The following PCDH15 variants were observed in gnomAD, a reference collection of about 807,000 sequenced individuals.
PCDH15 encodes the protein protocadherin-15.
In PCDH15, 129 loss-of-function variants were observed where a neutral mutation model predicts 178.5. The observed-to-expected ratio is 0.72, with a 90% CI of 0.63 to 0.84. PCDH15 has a LOEUF of 0.84. PCDH15 is among the 40% of genes least tolerant of loss of function. The probability of loss-of-function intolerance (pLI) is 0.00; values close to 1 mark genes in which losing one functional copy is unlikely to be tolerated. For missense variants in PCDH15, 2,230 were observed against 2,099.9 expected (o/e 1.06, Z -1.21); for synonymous variants, 800 against 732.0 (o/e 1.09, Z -1.50).
intron 1 of PCDH15, among the ~76,000 whole-genome samples, chr10:54,736,117 C>G (rs556206660): frequency 9.2e-5 from 14 of 152,108 alleles, no homozygotes; most frequent in Non-Finnish European, 1.8e-4. Flanking sequence ...CACTTAGAAG[C>G]TGCAATAATC....
At chr10:54,375,882 T>TATATATATAG (rs1182006251) in intron 4 of PCDH15, among the ~76,000 whole-genome samples, 1 of 72,782 alleles carries the variant, frequency 1.4e-5, no homozygotes, top group African/African-American at 3.4e-5. Context: ...TGAAACGGAA[T>TATATATATAG]ATATATATAT....
chr10:54,740,007 G>C (rs982722662), intron 1 of PCDH15, among the ~76,000 whole-genome samples: 1 of 151,898 alleles, frequency 6.6e-6, no homozygotes, highest in Non-Finnish European at 1.5e-5. Context: ...AAAAGCACAG[G>C]AAAGAAAAGC....
chr10:55,166,775 A>T (rs1260752985), intron 1 of PCDH15: 1 of 152,214 alleles, frequency 6.6e-6, no homozygotes, highest in Non-Finnish European at 1.5e-5. Context: ...TGCTTAAAAT[A>T]AATTCTTGCA....
At chr10:54,779,932 T>C (rs1950199389) in intron 1 of PCDH15, among the ~76,000 whole-genome samples, 1 of 152,082 alleles carries the variant, frequency 6.6e-6, no homozygotes, top group Non-Finnish European at 1.5e-5. Flanking sequence ...CACTATTGGT[T>C]TATGTTCATG....
intron 3 of PCDH15, among the ~76,000 whole-genome samples, chr10:54,849,039 TA>T (rs75232525): frequency 3.9e-5 from 6 of 152,126 alleles, no homozygotes; most frequent in South Asian, 4.2e-4. Context: ...CTATAAAATT[TA>T]AAAAAAATTA....
chr10:54,954,998 A>G (rs1838443410), intron 2 of PCDH15, among the ~76,000 whole-genome samples: 1 of 151,268 alleles, frequency 6.6e-6, no homozygotes, highest in Non-Finnish European at 1.5e-5. Context: ...GTTCATAAAA[A>G]CCATACAAAT....
chr10:54,152,195 C>T (rs149563640), intron 14 of PCDH15, among the ~76,000 whole-genome samples: 11 of 152,198 alleles, frequency 7.2e-5, no homozygotes, highest in African/African-American at 2.6e-4. Context: ...TATGAATCCA[C>T]ATAAACACTA....
At position 54,429,554 on chromosome 10, in the gene PCDH15, T is replaced by TA. The variant is rs1234183549; in HGVS notation, c.158-50613dup. On this transcript the variant is annotated intron_variant, in intron 3 of 37. Coordinates refer to ENST00000644397, the MANE Select transcript of PCDH15 (RefSeq NM_001384140.1). ...CAGAATGGCTATGGCTGAATGGATT[T>TA]AAAAAAAAAGACAAATTATCTGTTG... 3.2e-3 allele frequency among the ~76,000 whole-genome samples: 489 copies of TA among 151,098 alleles called. 5 individuals are homozygous for TA. The highest frequency in any genetic ancestry group is 0.011 in the African/African-American group (452 of 41,318).
intron 3 of PCDH15, among the ~76,000 whole-genome samples, chr10:54,450,158 T>TATATATATATATATATATATATA (rs1565308335): frequency 7.0e-6 from 1 of 142,040 alleles, no homozygotes; most frequent in African/African-American, 2.6e-5. Context: ...TATATATATA[T>TATATATATATATATATATATATA]TATACTTTAA....
At chr10:54,470,150 C>A (rs577884644) in intron 3 of PCDH15, among the ~76,000 whole-genome samples, 60 of 152,266 alleles carry the variant, frequency 3.9e-4, no homozygotes, top group African/African-American at 1.3e-3. Flanking sequence ...ATGAAGGTGG[C>A]AGAAGCTGCA....
intron 2 of PCDH15, among the ~76,000 whole-genome samples, chr10:54,940,162 A>G (rs1472727524): frequency 1.3e-5 from 2 of 152,124 alleles, no homozygotes; most frequent in Middle Eastern, 3.2e-3. Context: ...TTTTTAAAAT[A>G]TATATACTTA....
At chr10:55,435,361 C>G (rs1160499101) in intron 2 of PCDH15, among the ~76,000 whole-genome samples, 2 of 151,816 alleles carry the variant, frequency 1.3e-5, no homozygotes, top group Non-Finnish European at 1.5e-5. Flanking sequence ...GTATTTTTAC[C>G]TCGCATTTTT....
intron 3 of PCDH15, among the ~76,000 whole-genome samples, chr10:54,449,140 G>C (rs2076315966): frequency 6.6e-6 from 1 of 151,538 alleles, no homozygotes. Flanking sequence ...GGACTCACTT[G>C]GGCCCAACCC....
chr10:55,464,700 G>GTA (rs769315637), intron 2 of PCDH15, among the ~76,000 whole-genome samples: 39 of 147,444 alleles, frequency 2.6e-4, no homozygotes, highest in East Asian at 1.8e-3. Context: ...ATATGTATGT[G>GTA]TATATATATA....
intron 2 of PCDH15, among the ~76,000 whole-genome samples, chr10:55,091,745 C>A (rs1014527151): frequency 6.6e-6 from 1 of 151,730 alleles, no homozygotes; most frequent in African/African-American, 2.4e-5. Context: ...CTAGGGATAC[C>A]AGCCAACACA....
At chr10:53,933,377 T>C (rs2085264431) in intron 25 of PCDH15, among the ~76,000 whole-genome samples, 1 of 143,464 alleles carries the variant, frequency 7.0e-6, no homozygotes, top group African/African-American at 2.5e-5. Flanking sequence ...TCTGTGTCCA[T>C]GTGTTCTCAT....
At chr10:53,955,394 A>AAT (rs1238819794) in intron 23 of PCDH15, among the ~76,000 whole-genome samples, 2 of 152,240 alleles carry the variant, frequency 1.3e-5, no homozygotes, top group African/African-American at 4.8e-5. Flanking sequence ...ACTGTCTAAT[A>AAT]GAAATAAGTC....
chr10:55,019,439 G>C lies in PCDH15; in HGVS notation c.-79-121939C>G, dbSNP rs1338547784. 2.0e-5 allele frequency among the ~76,000 whole-genome samples: 3 copies of C among 152,066 alleles called. No individual in the cohort carries two copies. In the East Asian group the frequency reaches 5.8e-4, roughly 29 times the overall value. On this transcript the variant is annotated intron_variant, in intron 2 of 5. Coordinates refer to the PCDH15 transcript ENST00000458638. The stretch of plus-strand genomic sequence containing the variant: ...TTTACATGACTTTCAAATGAGACAA[G>C]GACTACCCCTTTTTTTTTCCTTAGA...
chr10:54,010,774 T>C (rs1472505976), intron 20 of PCDH15, among the ~76,000 whole-genome samples: 2 of 152,152 alleles, frequency 1.3e-5, no homozygotes, highest in Admixed American at 6.5e-5. Flanking sequence ...GCCCAGTGTC[T>C]GTTTCCCGTG....
Sources: gnomAD v4.1 joint callset for allele counts (sites outside exome capture counted in the v4.1 genomes callset) on GRCh38, gnomAD v4.1.1 for gene constraint, MANE v1.5 for transcripts, NCBI Gene and HGNC (gene_info 2026-07-23, HGNC 2026-07-21) for gene names.